Variants in SFMBT2 observed in about 807,000 individuals in gnomAD.
SFMBT2 encodes the protein scm-like with four MBT domains protein 2.
A neutral mutation model predicts 110.1 loss-of-function variants in SFMBT2; 38 were observed. The observed-to-expected ratio is 0.35, with a 90% CI of 0.27 to 0.45. The LOEUF is 0.45. Ranked by LOEUF, SFMBT2 falls within the 20% of genes least tolerant of loss-of-function variation. The pLI is 1.00. For synonymous variants in SFMBT2, 425 were observed against 425.4 expected, an observed-to-expected ratio of 1.00 and a Z score of 0.01; for missense variants, 1,011 against 1,094.9, an observed-to-expected ratio of 0.92 and a Z score of 1.08.
intron 4 of SFMBT2, among the ~76,000 whole-genome samples, chr10:7,302,880 A>G (rs1345660143): frequency 6.6e-6 from 1 of 152,208 alleles, no homozygotes; most frequent in Non-Finnish European, 1.5e-5. Context: ...TTTCTTATCA[A>G]TAACAGAACA....
chr10:7,268,214 A>G (rs1469114197), intron 7 of SFMBT2, among the ~76,000 whole-genome samples: 1 of 152,186 alleles, frequency 6.6e-6, no homozygotes, highest in African/African-American at 2.4e-5. Flanking sequence ...CCAAGCCCCA[A>G]AAAATCCTTT....
chr10:7,232,252 A>C (rs957445041), intron 9 of SFMBT2, among the ~76,000 whole-genome samples: 1 of 152,178 alleles, frequency 6.6e-6, no homozygotes, highest in Non-Finnish European at 1.5e-5. Context: ...CTATTTGCAC[A>C]CATCATTATT....
At chr10:7,339,935 G>A (rs1020254928) in intron 4 of SFMBT2, among the ~76,000 whole-genome samples, 2 of 152,162 alleles carry the variant, frequency 1.3e-5, no homozygotes, top group African/African-American at 4.8e-5. Context: ...GGGTCAGCAG[G>A]ATGAGCTAGT....
At chr10:7,388,416 G>C (rs947038026) in intron 1 of SFMBT2, among the ~76,000 whole-genome samples, 2 of 151,602 alleles carry the variant, frequency 1.3e-5, no homozygotes, top group Non-Finnish European at 2.9e-5. Context: ...AGAGTGCAAT[G>C]GCCCAATCTT....
intron 10 of SFMBT2, among the ~76,000 whole-genome samples, chr10:7,225,412 C>T (rs999609108): frequency 6.6e-6 from 1 of 152,196 alleles, no homozygotes; most frequent in African/African-American, 2.4e-5. Context: ...AAAATGAACT[C>T]GTAATACGCA....
chr10:7,350,254 C>T (rs1279499126), intron 4 of SFMBT2, among the ~76,000 whole-genome samples: 1 of 151,898 alleles, frequency 6.6e-6, no homozygotes, highest in Non-Finnish European at 1.5e-5. Flanking sequence ...CTGATGGGGT[C>T]TTGTCTGTTC....
At chr10:7,306,967 C>A (rs1407898105) in intron 4 of SFMBT2, among the ~76,000 whole-genome samples, 2 of 152,160 alleles carry the variant, frequency 1.3e-5, no homozygotes, top group Non-Finnish European at 2.9e-5. Flanking sequence ...GCCAAAGCAT[C>A]CCTGATAACC....
At chr10:7,272,472 G>A (rs948926118) in intron 7 of SFMBT2, among the ~76,000 whole-genome samples, 1 of 152,168 alleles carries the variant, frequency 6.6e-6, no homozygotes, top group African/African-American at 2.4e-5. Context: ...GAAACCGGGG[G>A]GTTGACAGGA....
In SFMBT2 at chr10:7,392,285, T is replaced by G. The variant is rs1378859155; in HGVS notation, c.-51-10336A>C. Reference sequence around the variant, plus strand: ...ATCCCAACACTTTGGGAGGCCGAGGTGGGCGGATCACTTGAGCTCAGGAGT... The same window carrying G: ...ATCCCAACACTTTGGGAGGCCGAGGGGGGCGGATCACTTGAGCTCAGGAGT... On this transcript the variant is annotated intron_variant, in intron 1 of 20. Transcript: ENST00000397167. 3.3e-5 allele frequency among the ~76,000 whole-genome samples: 5 copies of G among 152,194 alleles called. No homozygotes were observed. In the East Asian group the frequency reaches 9.7e-4, roughly 29 times the overall value.
At chr10:7,350,091 C>G (rs975164317) in intron 4 of SFMBT2, among the ~76,000 whole-genome samples, 5 of 152,226 alleles carry the variant, frequency 3.3e-5, no homozygotes, top group African/African-American at 1.2e-4. Context: ...CCACAGCCTT[C>G]TTCCCATCGT....
At chr10:7,370,210 C>T (rs955671210) in intron 3 of SFMBT2, 71 bp downstream of exon 3, 28 of 1,383,806 alleles carry the variant, frequency 2.0e-5, no homozygotes, top group African/African-American at 1.6e-4. Flanking sequence ...TTGAGTTCTC[C>T]GGCTTCTCCC....
At chr10:7,312,194 T>C (rs1456035164) in intron 4 of SFMBT2, among the ~76,000 whole-genome samples, 1 of 152,062 alleles carries the variant, frequency 6.6e-6, no homozygotes, top group East Asian at 1.9e-4. Flanking sequence ...ACCTGCACAT[T>C]GTGCACATGT....
chr10:7,347,994 G>C (rs1749363), intron 4 of SFMBT2: 41,589 of 242,008 alleles, frequency 0.17, 4,002 homozygotes, highest in African/African-American at 0.24. Flanking sequence ...ATTAGATGTA[G>C]AGATGAAAAA....
chr10:7,404,907 T>C (rs1045761523), intron 1 of SFMBT2, among the ~76,000 whole-genome samples: 2 of 152,244 alleles, frequency 1.3e-5, no homozygotes, highest in Admixed American at 1.3e-4. Flanking sequence ...ATTACATGAA[T>C]CATGTGACAC....
intron 4 of SFMBT2, among the ~76,000 whole-genome samples, chr10:7,286,856 T>C (rs1842105754): frequency 6.6e-6 from 1 of 152,016 alleles, no homozygotes; most frequent in South Asian, 2.1e-4. Flanking sequence ...TACTGAGTGG[T>C]AGGAATAAAC....
chr10:7,220,622 C>A, intron 10 of SFMBT2, 85 bp from the exon 11 acceptor site: 2 of 1,376,914 alleles, frequency 1.5e-6, no homozygotes, highest in Non-Finnish European at 2.1e-6. Flanking sequence ...AAGAAATGCA[C>A]GCACACGCAT....
At chr10:7,164,746 AACACACACACACACACACACACACAC>A (rs58744416) in intron 20 of SFMBT2, among the ~76,000 whole-genome samples, 2 of 137,846 alleles carry the variant, frequency 1.5e-5, no homozygotes, top group African/African-American at 5.4e-5. Context: ...CATAAAGGGA[AACACACACACACACACACACACACAC>A]ACACACACAC....
At chr10:7,193,174 G>A (rs1268601520) in intron 15 of SFMBT2, among the ~76,000 whole-genome samples, 2 of 152,138 alleles carry the variant, frequency 1.3e-5, no homozygotes, top group African/African-American at 2.4e-5. Context: ...AACCTGGACT[G>A]CCAAAAAGCA....
At chr10:7,217,470 G>A (rs1344937729) in intron 11 of SFMBT2, among the ~76,000 whole-genome samples, 1 of 152,026 alleles carries the variant, frequency 6.6e-6, no homozygotes, top group Non-Finnish European at 1.5e-5. Context: ...CATTTGAAGT[G>A]CATGTAAGTG....
Sources: gnomAD v4.1 joint callset for allele counts (sites outside exome capture counted in the v4.1 genomes callset) on GRCh38, gnomAD v4.1.1 for gene constraint, MANE v1.5 for transcripts, NCBI Gene and HGNC (gene_info 2026-07-23, HGNC 2026-07-21) for gene names.